UBTD1: variants seen among roughly 807,000 people sequenced by gnomAD.
UBTD1 encodes ubiquitin domain containing 1.
UBTD1 carries 19 observed loss-of-function variants against 21.7 expected under a neutral mutation model. The observed-to-expected ratio is 0.87, with a 90% CI of 0.61 to 1.28. The LOEUF (loss-of-function observed/expected upper bound fraction) is 1.28, where lower values mean the gene tolerates loss of function less well. Ranked by LOEUF, UBTD1 falls within the 50% of genes most tolerant of loss-of-function variation. UBTD1 has a pLI of 0.00. For synonymous variants in UBTD1, 116 were observed against 135.1 expected (o/e 0.86, Z 0.98); for missense variants, 282 against 315.1 (o/e 0.89, Z 0.80).
intron 1 of UBTD1, among the ~76,000 whole-genome samples, chr10:97,549,943 C>T (rs2040628772): frequency 6.6e-6 from 1 of 152,248 alleles, no homozygotes; most frequent in Non-Finnish European, 1.5e-5. Context: ...CTGGGCTGAT[C>T]CTTCTTCTGG....
intron 1 of UBTD1, among the ~76,000 whole-genome samples, chr10:97,541,728 A>ATTTTT (rs975827062): frequency 1.6e-4 from 16 of 98,874 alleles, no homozygotes; most frequent in East Asian, 5.9e-4. Context: ...GTCCTCTCTG[A>ATTTTT]TTTTTTTTTT....
chr10:97,501,561 C>T (rs1381848654), intron 1 of UBTD1, among the ~76,000 whole-genome samples: 1 of 152,142 alleles, frequency 6.6e-6, no homozygotes, highest in Non-Finnish European at 1.5e-5. Flanking sequence ...CCACTGCACT[C>T]CAGCCTGGGT....
chr10:97,531,423 G>A (rs1005444534), intron 1 of UBTD1, among the ~76,000 whole-genome samples: 2 of 151,766 alleles, frequency 1.3e-5, no homozygotes, highest in Non-Finnish European at 2.9e-5. Flanking sequence ...GCTAATTTTT[G>A]TACTTTATGT....
rs549703981 is a variant in UBTD1 at position 97,567,636 on chromosome 10, G to A, written c.71-278G>A. ...GTCATGCCATTGCACTCCAGCCTGG[G>A]CAACAAGAGTGAAACTCCATCTCAA... is the stretch of plus-strand genomic sequence containing the variant. On this transcript the variant is annotated intron_variant, in intron 1 of 2. Transcript: ENST00000370664. Among the ~76,000 whole-genome samples, 375 of 152,054 alleles carry A rather than the reference G, an allele frequency of 2.5e-3. 1 individual carries two copies. Among genetic ancestry groups the A allele is most frequent in the African/African-American group, 8.5e-3 (354 of 41,498 alleles).
chr10:97,523,897 G>A, intron 1 of UBTD1, among the ~76,000 whole-genome samples: 1 of 152,130 alleles, frequency 6.6e-6, no homozygotes, highest in East Asian at 1.9e-4. Context: ...GAGCCAGTGA[G>A]ATGATGCCCC....
intron 1 of UBTD1, among the ~76,000 whole-genome samples, chr10:97,540,893 G>A (rs1370975493): frequency 6.6e-6 from 1 of 152,242 alleles, no homozygotes; most frequent in African/African-American, 2.4e-5. Context: ...GGCTGTGTGG[G>A]CGGCAGGGTA....
At chr10:97,537,486 C>T (rs761485892) in intron 1 of UBTD1, among the ~76,000 whole-genome samples, 3 of 152,212 alleles carry the variant, frequency 2.0e-5, no homozygotes, top group Non-Finnish European at 4.4e-5. Context: ...AAATGCCTCA[C>T]CTCCCCTGTC....
chr10:97,528,098 C>T lies in UBTD1; in HGVS notation c.70+28825C>T, dbSNP rs1256918886. 6.8e-5 allele frequency among the ~76,000 whole-genome samples: 9 copies of T among 132,888 alleles called. 1 individual carries two copies. The highest frequency in any genetic ancestry group is 2.9e-4 in the Admixed American group (4 of 13,884). 87.2% of individuals were successfully genotyped at this position (132,888 alleles called of 152,430 possible). A position where few individuals can be genotyped will look rare whatever the true frequency, so the allele number is the denominator to read the frequency against. On this transcript the variant is annotated intron_variant, in intron 1 of 2. Transcript: ENST00000370664. ...GGGGCTGACTCCCCCACCTCCCTCC[C>T]GGACGGGGAGGCTGGCCGGGCGGGG...
intron 1 of UBTD1, among the ~76,000 whole-genome samples, chr10:97,527,895 C>T (rs1589872742): frequency 6.6e-6 from 1 of 152,260 alleles, no homozygotes; most frequent in South Asian, 2.1e-4. Context: ...CAATCTTCCA[C>T]CTTTCCCCCT....
chr10:97,520,168 A>G (rs1351708065), intron 1 of UBTD1, among the ~76,000 whole-genome samples: 1 of 152,166 alleles, frequency 6.6e-6, no homozygotes, highest in Non-Finnish European at 1.5e-5. Context: ...TGTGGTGATT[A>G]TGTGGGATAA....
intron 1 of UBTD1, among the ~76,000 whole-genome samples, chr10:97,521,745 GCA>G (rs1270199221): frequency 6.6e-6 from 1 of 152,228 alleles, no homozygotes; most frequent in African/African-American, 2.4e-5. Context: ...CAGCAGCTGG[GCA>G]GCAGTGTGTG....
intron 1 of UBTD1, among the ~76,000 whole-genome samples, chr10:97,529,345 C>T (rs2040514217): frequency 6.6e-6 from 1 of 152,158 alleles, no homozygotes; most frequent in Admixed American, 6.5e-5. Context: ...AGACGCTCCT[C>T]ACTTCCCAGA....
At chr10:97,547,855 C>G (rs368185280) in intron 1 of UBTD1, among the ~76,000 whole-genome samples, 1 of 151,956 alleles carries the variant, frequency 6.6e-6, no homozygotes, top group Non-Finnish European at 1.5e-5. Flanking sequence ...TGAGCCATCA[C>G]GCCCAGCCTC....
intron 1 of UBTD1, among the ~76,000 whole-genome samples, chr10:97,504,044 C>T (rs528241479): frequency 3.3e-5 from 5 of 152,184 alleles, no homozygotes; most frequent in South Asian, 4.1e-4. Flanking sequence ...TTCATCCTTC[C>T]GCTTGCCAAG....
chr10:97,548,923 C>T (rs758603736), intron 1 of UBTD1, among the ~76,000 whole-genome samples: 1 of 152,182 alleles, frequency 6.6e-6, no homozygotes, highest in Non-Finnish European at 1.5e-5. Context: ...CACCCTTCCC[C>T]GAGCCCGGCC....
intron 1 of UBTD1, among the ~76,000 whole-genome samples, chr10:97,512,860 C>A (rs1462191112): frequency 7.2e-5 from 11 of 152,256 alleles, no homozygotes; most frequent in African/African-American, 2.7e-4. Flanking sequence ...CAAGGAGAGA[C>A]TTCCGCCCAA....
At chr10:97,505,568 G>A (rs1294825546) in intron 1 of UBTD1, among the ~76,000 whole-genome samples, 1 of 152,210 alleles carries the variant, frequency 6.6e-6, no homozygotes, top group Non-Finnish European at 1.5e-5. Context: ...TACTTTCATG[G>A]CTACACAGTG....
At chr10:97,532,333 C>T (rs774624220) in intron 1 of UBTD1, among the ~76,000 whole-genome samples, 1 of 152,222 alleles carries the variant, frequency 6.6e-6, no homozygotes, top group African/African-American at 2.4e-5. Flanking sequence ...ACAGTTAAGG[C>T]GAGCTCTTTT....
At chr10:97,545,329 A>T (rs530425429) in intron 1 of UBTD1, among the ~76,000 whole-genome samples, 1 of 126,204 alleles carries the variant, frequency 7.9e-6, no homozygotes, top group East Asian at 2.2e-4. Flanking sequence ...AACGAGCGAG[A>T]CTCCGTCTCA....
Sources: allele counts gnomAD v4.1 joint callset (sites outside exome capture counted in the v4.1 genomes callset), GRCh38; gene constraint gnomAD v4.1.1; transcripts MANE v1.5; gene names NCBI Gene and HGNC (gene_info 2026-07-23, HGNC 2026-07-21).